Variants in KAT2B observed in about 807,000 individuals in gnomAD.
KAT2B encodes lysine acetyltransferase 2B.
KAT2B carries 36 observed loss-of-function variants against 105.9 expected under a neutral mutation model. The ratio of observed to expected loss-of-function variants is 0.34; its 90% confidence interval spans 0.26 to 0.45. The LOEUF is 0.45. KAT2B is among the 20% of genes least tolerant of loss of function. KAT2B has a pLI of 1.00. For missense variants in KAT2B, 820 were observed against 1,021.6 expected, an observed-to-expected ratio of 0.80 and a Z score of 2.69; for synonymous variants, 397 against 377.9, an observed-to-expected ratio of 1.05 and a Z score of -0.59.
At chr3:20,136,623 C>A (rs2140085) in intron 11 of KAT2B, among the ~76,000 whole-genome samples, 121,524 of 152,064 alleles carry the variant, frequency 0.8, 49,318 homozygotes, top group East Asian at 0.97. Context: ...TTTTATATTA[C>A]TATTCAGCAA....
intron 7 of KAT2B, among the ~76,000 whole-genome samples, chr3:20,115,680 C>T (rs1699194923): frequency 6.6e-6 from 1 of 152,138 alleles, no homozygotes; most frequent in Non-Finnish European, 1.5e-5. Flanking sequence ...TGTGTTTTGA[C>T]AAACACATAT....
chr3:20,052,454 T>C (rs569582644), intron 1 of KAT2B, among the ~76,000 whole-genome samples: 6 of 152,290 alleles, frequency 3.9e-5, no homozygotes, highest in African/African-American at 1.4e-4. Flanking sequence ...GGGTGGATCA[T>C]ACCTTGCACA....
At chr3:20,084,415 T>C (rs951243682) in intron 2 of KAT2B, among the ~76,000 whole-genome samples, 7 of 152,208 alleles carry the variant, frequency 4.6e-5, no homozygotes, top group Admixed American at 3.9e-4. Flanking sequence ...TCTTCTGCTA[T>C]GAAAGTTACT....
chr3:20,049,562 G>A (rs1484500185), intron 1 of KAT2B, among the ~76,000 whole-genome samples: 1 of 152,192 alleles, frequency 6.6e-6, no homozygotes, highest in Non-Finnish European at 1.5e-5. Context: ...GCATGGGGTA[G>A]AGGGGGTCGC....
intron 1 of KAT2B, among the ~76,000 whole-genome samples, chr3:20,043,260 C>A: frequency 6.6e-6 from 1 of 152,134 alleles, no homozygotes; most frequent in Admixed American, 6.6e-5. Flanking sequence ...GGGTTACCAA[C>A]TGGGTGTCAG....
chr3:20,054,402 A>T (rs566404807), intron 1 of KAT2B, among the ~76,000 whole-genome samples: 1 of 152,134 alleles, frequency 6.6e-6, no homozygotes, highest in Non-Finnish European at 1.5e-5. Context: ...GCTGGGATTG[A>T]TTACAGATGT....
intron 1 of KAT2B, among the ~76,000 whole-genome samples, chr3:20,062,244 TAA>T (rs1559514381): frequency 5.4e-5 from 2 of 36,968 alleles, no homozygotes; most frequent in Non-Finnish European, 9.7e-5. Flanking sequence ...ATAAAATATA[TAA>T]TATATAAAAT....
At chr3:20,056,529 C>A (rs1189995285) in intron 1 of KAT2B, among the ~76,000 whole-genome samples, 2 of 152,054 alleles carry the variant, frequency 1.3e-5, no homozygotes, top group East Asian at 3.9e-4. Context: ...ATTCTGAATG[C>A]CTCATAGATG....
At chr3:20,051,282 G>A (rs146329886) in intron 1 of KAT2B, among the ~76,000 whole-genome samples, 1 of 151,802 alleles carries the variant, frequency 6.6e-6, no homozygotes, top group Admixed American at 6.6e-5. Flanking sequence ...AATATGAAAG[G>A]AAGAGAGGTA....
At chr3:20,142,217 A>G (rs1313132979) in intron 13 of KAT2B, among the ~76,000 whole-genome samples, 1 of 152,164 alleles carries the variant, frequency 6.6e-6, no homozygotes, top group Admixed American at 6.5e-5. Flanking sequence ...AAAGCAGTCA[A>G]CTTTTTAGAA....
At chr3:20,072,208 C>A (rs2125180944) in intron 1 of KAT2B, 125 bp from the exon 2 acceptor site, 1 of 955,700 alleles carries the variant, frequency 1.0e-6, no homozygotes, top group Non-Finnish European at 1.6e-6. Context: ...GTGTATATGG[C>A]AGACGACAAA....
chr3:20,150,197 A>G (rs979351976), intron 17 of KAT2B, among the ~76,000 whole-genome samples: 4 of 152,226 alleles, frequency 2.6e-5, no homozygotes, highest in African/African-American at 9.6e-5. Context: ...AGTTAAAGCT[A>G]TAAATGGTGT....
At chr3:20,131,467 G>A (rs972963399) in intron 11 of KAT2B, among the ~76,000 whole-genome samples, 6 of 152,174 alleles carry the variant, frequency 3.9e-5, no homozygotes, top group Non-Finnish European at 8.8e-5. Flanking sequence ...AGACAACATG[G>A]AAGCACTTCT....
chr3:20,142,238 C>T (rs1479676086), intron 13 of KAT2B, among the ~76,000 whole-genome samples: 1 of 152,084 alleles, frequency 6.6e-6, no homozygotes, highest in South Asian at 2.1e-4. Context: ...GCCAAGGCTC[C>T]CTCCCCATTC....
intron 7 of KAT2B, among the ~76,000 whole-genome samples, chr3:20,116,201 G>A (rs1474559538): frequency 6.6e-6 from 1 of 151,966 alleles, no homozygotes; most frequent in African/African-American, 2.4e-5. Context: ...TTAGCATTTA[G>A]TGGACATGTT....
At chr3:20,097,814 G>T (rs996184543) in intron 3 of KAT2B, among the ~76,000 whole-genome samples, 4 of 151,916 alleles carry the variant, frequency 2.6e-5, no homozygotes, top group Admixed American at 6.6e-5. Context: ...GGGATTACAG[G>T]CATGAGCCAC....
Position 20,091,117 on chromosome 3 carries a change from G to A in KAT2B, c.431-4146G>A, listed in dbSNP as rs184519814. 1.9e-3 allele frequency among the ~76,000 whole-genome samples: 287 copies of A among 152,230 alleles called. 1 individual carries two copies. Among genetic ancestry groups the A allele is most frequent in the African/African-American group, 6.7e-3 (280 of 41,544 alleles). On this transcript the variant is annotated intron_variant, in intron 2 of 17. Transcript: ENST00000263754. ...GTGTTTGGTAGAATTCAGCCTTGAA[G>A]CCATCAGGTCCTGGGCTTTTCCATG...
rs139743528 is a variant in KAT2B at position 20,081,878 on chromosome 3, C to CATATATATATATATATATATATAT, written c.430+9431_430+9432insATATATATATATATATATATATAT. 2.3e-3 allele frequency among the ~76,000 whole-genome samples: 325 copies of CATATATATATATATATATATATAT among 140,482 alleles called. 8 individuals carry two copies. Among genetic ancestry groups the CATATATATATATATATATATATAT allele is most frequent in the East Asian group, 0.013 (63 of 4,864 alleles). The allele number at this position is 140,482 out of a possible 152,430, so 92.2% of individuals were successfully genotyped here. On this transcript the variant is annotated intron_variant, in intron 2 of 17. Transcript: ENST00000263754. ...TTTATTTTATTTGCTGTCATTGGCT[C>CATATATATATATATATATATATAT]ATATATATATATGTATAAATGTATA...
rs182754801 is a variant in KAT2B, at chr3:20,094,859, C to T, written c.431-404C>T. ...AGCTTGGTTTTCTGCATCTCTGAACCACCAACTTACAAGTCCTGCATTCAT... is the reference window on the plus strand; with the variant it reads ...AGCTTGGTTTTCTGCATCTCTGAACTACCAACTTACAAGTCCTGCATTCAT... On this transcript the variant is annotated intron_variant, in intron 2 of 17. Transcript: ENST00000263754. 4.6e-5 allele frequency among the ~76,000 whole-genome samples: 7 copies of T among 152,264 alleles called. No individual in the cohort carries two copies. The East Asian group carries it at 1.4e-3, about 29-fold the overall frequency.
Sources: gnomAD v4.1 joint callset for allele counts (sites outside exome capture counted in the v4.1 genomes callset) on GRCh38, gnomAD v4.1.1 for gene constraint, MANE v1.5 for transcripts, NCBI Gene and HGNC (gene_info 2026-07-23, HGNC 2026-07-21) for gene names.